The following MCF2 variants were observed in gnomAD, a reference collection of about 807,000 sequenced individuals.
MCF2 encodes proto-oncogene DBL.
A neutral mutation model predicts 82.5 loss-of-function variants in MCF2; 44 were observed. The observed-to-expected ratio is 0.53, with a 90% CI of 0.42 to 0.69. The LOEUF (loss-of-function observed/expected upper bound fraction) is 0.69, where lower values mean the gene tolerates loss of function less well. MCF2 is among the 30% of genes least tolerant of loss of function. MCF2 has a pLI of 0.00. For synonymous variants in MCF2, 217 were observed against 224.9 expected, an observed-to-expected ratio of 0.96 and a Z score of 0.32; for missense variants, 623 against 663.1, an observed-to-expected ratio of 0.94 and a Z score of 0.66.
Position 139,701,374 on chromosome X carries a change from G to A in MCF2, c.-45+6732C>T, listed in dbSNP as rs1314221135. Among the ~76,000 whole-genome samples, 5 of 112,055 alleles carry A rather than the reference G, an allele frequency of 4.5e-5. No individual in the cohort carries two copies. In the East Asian group the frequency reaches 1.4e-3, roughly 31 times the overall value. The stretch of plus-strand genomic sequence containing the variant: ...ACACTAATCTGGGTGTCGCTGTAAG[G>A]TTTTTGTAGATATGATTAACTTCTA... On this transcript the variant is annotated intron_variant, in intron 1 of 27. Transcript: ENST00000414978.
intron 1 of MCF2, among the ~76,000 whole-genome samples, chrX:139,637,136 T>C (rs1295678908): frequency 8.9e-6 from 1 of 111,842 alleles, no homozygotes; most frequent in Non-Finnish European, 1.9e-5. Context: ...AATTTTATAA[T>C]CTTTTTTGCA....
intron 1 of MCF2, among the ~76,000 whole-genome samples, chrX:139,679,746 G>A (rs558867443): frequency 8.1e-5 from 9 of 111,024 alleles, no homozygotes; most frequent in East Asian, 5.7e-4. Context: ...CTTAACCTAC[G>A]CCAAGTACCT....
chrX:139,633,166 T>A (rs1603295049), intron 1 of MCF2, among the ~76,000 whole-genome samples: 1 of 111,282 alleles, frequency 9.0e-6, no homozygotes, highest in East Asian at 2.8e-4. Context: ...AACGAGGAGT[T>A]AACTGGATCA....
At chrX:139,629,212 T>G (rs183262528) in intron 4 of MCF2, among the ~76,000 whole-genome samples, 1 of 112,022 alleles carries the variant, frequency 8.9e-6, no homozygotes, top group Admixed American at 9.5e-5. Flanking sequence ...GCTACAAACC[T>G]GTACAGCATG....
At chrX:139,701,804 C>T (rs1404240503) in intron 1 of MCF2, among the ~76,000 whole-genome samples, 1 of 112,508 alleles carries the variant, frequency 8.9e-6, no homozygotes, top group African/African-American at 3.2e-5. Flanking sequence ...TATACATGTA[C>T]AAATTTTACT....
intron 7 of MCF2, among the ~76,000 whole-genome samples, chrX:139,618,182 G>T (rs1932071897): frequency 9.0e-6 from 1 of 110,518 alleles, no homozygotes; most frequent in Admixed American, 9.7e-5. Flanking sequence ...GACCTTTAGT[G>T]GCCTTGCCTC....
chrX:139,618,417 C>T (rs5909057), intron 7 of MCF2, among the ~76,000 whole-genome samples: 39,236 of 109,978 alleles, frequency 0.36, 6,544 homozygotes, highest in Middle Eastern at 0.54. Context: ...TGCACAACAA[C>T]GCGAATTTAC....
Position 139,627,556 on chromosome X carries a change from G to A in MCF2, c.439-800C>T, listed in dbSNP as rs143236023. 8.0e-3 allele frequency among the ~76,000 whole-genome samples: 894 copies of A among 111,788 alleles called. 13 individuals are homozygous for A. Among genetic ancestry groups the A allele is most frequent in the African/African-American group, 0.026 (810 of 30,780 alleles). On this transcript the variant is annotated intron_variant, in intron 4 of 24. Transcript: ENST00000370576. ...CTTTCAGGTGGTCCAAGAGTCCCTT[G>A]AAATTGTAAGCAAAAGTTTTGGTGT...
At chrX:139,643,504 C>T (rs751418475), upstream of MCF2, among the ~76,000 whole-genome samples, 31 of 111,424 alleles carry the variant, frequency 2.8e-4, no homozygotes, top group Admixed American at 6.7e-4. Context: ...ATACCACAAG[C>T]AAAAACATTT....
intron 10 of MCF2, among the ~76,000 whole-genome samples, chrX:139,610,886 A>G (rs909609586): frequency 8.9e-6 from 1 of 111,897 alleles, no homozygotes; most frequent in Non-Finnish European, 1.9e-5. Context: ...TATCTTGTCC[A>G]AGAAGCAGAG....
At chrX:139,621,655 C>T (rs1462806927) in intron 6 of MCF2, among the ~76,000 whole-genome samples, 1 of 111,392 alleles carries the variant, frequency 9.0e-6, no homozygotes, top group South Asian at 3.8e-4. Flanking sequence ...ATAAATGGTG[C>T]TGGGAAAACT....
At chrX:139,676,027 A>T (rs1934853812) in intron 1 of MCF2, among the ~76,000 whole-genome samples, 1 of 112,637 alleles carries the variant, frequency 8.9e-6, no homozygotes, top group Admixed American at 9.4e-5. Flanking sequence ...AGCCTCAGCA[A>T]TGGCGGACCC....
chrX:139,608,428 AT>A (rs1931224327), intron 11 of MCF2, among the ~76,000 whole-genome samples: 1 of 111,258 alleles, frequency 9.0e-6, no homozygotes, highest in East Asian at 2.8e-4. Flanking sequence ...AAATTGCCTT[AT>A]TTTACAGACT....
chrX:139,688,022 A>C (rs758481045), intron 1 of MCF2, among the ~76,000 whole-genome samples: 2 of 111,874 alleles, frequency 1.8e-5, no homozygotes, highest in East Asian at 5.6e-4. Context: ...GGGGGCATGG[A>C]GGATTAGGCA....
intron 1 of MCF2, among the ~76,000 whole-genome samples, chrX:139,657,716 A>G (rs1224992034): frequency 8.9e-6 from 1 of 112,113 alleles, no homozygotes; most frequent in Admixed American, 9.5e-5. Flanking sequence ...CTATGTATGC[A>G]GTATTTCTCA....
rs1453833338 is a variant in MCF2, at chrX:139,597,239, G to C, written c.2055+221C>G. ...CCTTAAGCAGGATCTCCCAGGTCTGGGATTGGGGGAAGACTGTTGGGGACA... is the reference window on the plus strand; with the variant it reads ...CCTTAAGCAGGATCTCCCAGGTCTGCGATTGGGGGAAGACTGTTGGGGACA... On this transcript the variant is annotated intron_variant, in intron 18 of 24. Coordinates refer to ENST00000370576, the Ensembl canonical transcript of MCF2. 9.0e-5 allele frequency among the ~76,000 whole-genome samples: 10 copies of C among 111,293 alleles called. No homozygotes were observed. The Admixed American group carries it at 9.6e-4, about 11-fold the overall frequency.
In MCF2 at chrX:139,669,908, G is replaced by A. The variant is rs192005117; in HGVS notation, c.-44-18120C>T. ...AGGGCTAGGGGAATCAGGGAGCTTC[G>A]GAAATGATAGCTAAAATATACAGGG... On this transcript the variant is annotated intron_variant, in intron 1 of 27. Coordinates refer to the MCF2 transcript ENST00000414978. 3.0e-3 allele frequency among the ~76,000 whole-genome samples: 339 copies of A among 111,855 alleles called. 5 individuals carry two copies. Among genetic ancestry groups the A allele is most frequent in the Non-Finnish European group, 2.3e-3 (124 of 53,134 alleles).
rs1228692965 is a variant in MCF2 at position 139,609,503 on chromosome X, C to T, written c.1401+798G>A. 4.5e-5 allele frequency among the ~76,000 whole-genome samples: 5 copies of T among 110,361 alleles called. 1 individual carries two copies. Among genetic ancestry groups the T allele is most frequent in the Non-Finnish European group, 9.5e-5 (5 of 52,844 alleles). The stretch of plus-strand genomic sequence containing the variant: ...GTTTGAGGCTGCAGTGAGCTATGAT[C>T]GCACCACTGTAGTCCAGCCTAGGCA... On this transcript the variant is annotated intron_variant, in intron 11 of 24. Transcript: ENST00000370576.
intron 1 of MCF2, among the ~76,000 whole-genome samples, chrX:139,656,228 A>C (rs1934194611): frequency 9.0e-6 from 1 of 110,996 alleles, no homozygotes; most frequent in Non-Finnish European, 1.9e-5. Flanking sequence ...TACCTGGCTA[A>C]TTTTTTGTGT....
Sources: gnomAD v4.1 joint callset for allele counts (sites outside exome capture counted in the v4.1 genomes callset) on GRCh38, gnomAD v4.1.1 for gene constraint, MANE v1.5 for transcripts, NCBI Gene and HGNC (gene_info 2026-07-23, HGNC 2026-07-21) for gene names.